Variants in BNC2 observed in about 807,000 individuals in gnomAD.
BNC2 encodes zinc finger protein basonuclin-2.
Under a neutral mutation model 76.3 loss-of-function variants are expected in BNC2, and 20 were observed. The ratio of observed to expected loss-of-function variants is 0.26; its 90% confidence interval spans 0.18 to 0.38. The LOEUF (loss-of-function observed/expected upper bound fraction) is 0.38. Among genes scored for constraint, BNC2 ranks in the 10% least tolerant of loss-of-function variants. The probability of loss-of-function intolerance (pLI) is 1.00; values close to 1 mark genes in which losing one functional copy is unlikely to be tolerated. For missense variants in BNC2, 1,382 were observed against 1,399.8 expected, an observed-to-expected ratio of 0.99 and a Z score of 0.20; for synonymous variants, 582 against 514.8, an observed-to-expected ratio of 1.13 and a Z score of -1.77.
At chr9:16,781,246 G>GATCTGGATTCAAGACCTCATGTT (rs58363689) in intron 1 of BNC2, among the ~76,000 whole-genome samples, 139,289 of 151,900 alleles carry the variant, frequency 0.92, 63,869 homozygotes, top group East Asian at 0.99. Context: ...AAGGTCTGAA[G>GATCTGGATTCAAGACCTCATGTT]ATCAGGGCTG....
At chr9:16,490,347 T>A (rs74382314) in intron 5 of BNC2, among the ~76,000 whole-genome samples, 1 of 152,064 alleles carries the variant, frequency 6.6e-6, no homozygotes, top group Non-Finnish European at 1.5e-5. Context: ...TTATTCACCA[T>A]CAAGAGAAGA....
At chr9:16,570,350 C>T (rs1459873010) in intron 4 of BNC2, among the ~76,000 whole-genome samples, 1 of 152,140 alleles carries the variant, frequency 6.6e-6, no homozygotes, top group African/African-American at 2.4e-5. Flanking sequence ...TTTCCTCCTT[C>T]CCCCAGTAAT....
At chr9:16,442,635 G>C (rs537267946) in intron 5 of BNC2, among the ~76,000 whole-genome samples, 1 of 152,330 alleles carries the variant, frequency 6.6e-6, no homozygotes, top group African/African-American at 2.4e-5. Context: ...TAATCAGACT[G>C]TCGAGGGACC....
chr9:16,685,752 T>A, intron 3 of BNC2: 1 of 467,056 alleles, frequency 2.1e-6, no homozygotes, highest in South Asian at 1.7e-5. Flanking sequence ...CATCATGGCT[T>A]GACATGTATG....
chr9:16,504,103 A>G (rs2131822359), intron 5 of BNC2, among the ~76,000 whole-genome samples: 1 of 152,260 alleles, frequency 6.6e-6, no homozygotes, highest in East Asian at 1.9e-4. Flanking sequence ...ACTAGATGTC[A>G]TCTTAGCAAC....
intron 3 of BNC2, chr9:16,626,333 T>G (rs1036702460): frequency 1.1e-4 from 17 of 152,164 alleles, no homozygotes; most frequent in African/African-American, 3.9e-4. Context: ...ATGCGAGTTT[T>G]TCATTAAAAA....
intron 5 of BNC2, among the ~76,000 whole-genome samples, chr9:16,490,060 A>G (rs1029964131): frequency 6.6e-6 from 1 of 152,234 alleles, no homozygotes; most frequent in African/African-American, 2.4e-5. Flanking sequence ...TGTCTAATTT[A>G]ATACAATTCA....
intron 4 of BNC2, among the ~76,000 whole-genome samples, chr9:16,575,808 A>T (rs1819467984): frequency 6.6e-6 from 1 of 152,220 alleles, no homozygotes; most frequent in South Asian, 2.1e-4. Flanking sequence ...ACCAGAATCC[A>T]GCTGCCTCAC....
chr9:16,548,821 C>T (rs1818568879), intron 5 of BNC2, among the ~76,000 whole-genome samples: 2 of 152,168 alleles, frequency 1.3e-5, no homozygotes, highest in African/African-American at 4.8e-5. Flanking sequence ...AGCTAACTTT[C>T]TGTACTTTCT....
At chr9:16,539,716 A>G (rs1208749230) in intron 5 of BNC2, among the ~76,000 whole-genome samples, 3 of 124,592 alleles carry the variant, frequency 2.4e-5, no homozygotes, top group African/African-American at 1.1e-4. Flanking sequence ...GGAAGGAAGG[A>G]AGGGGAAGGA....
At chr9:16,844,039 A>G (rs1039868320) in intron 1 of BNC2, among the ~76,000 whole-genome samples, 9 of 152,142 alleles carry the variant, frequency 5.9e-5, no homozygotes, top group African/African-American at 1.9e-4. Context: ...GCACGAGGAT[A>G]GCTCAAGGCT....
chr9:16,859,412 A>C (rs771981031), intron 1 of BNC2, among the ~76,000 whole-genome samples: 7 of 152,210 alleles, frequency 4.6e-5, no homozygotes, highest in Non-Finnish European at 1.0e-4. Context: ...ACAACAGCAT[A>C]ATTCACAAGA....
At chr9:16,519,914 C>T (rs1463418015) in intron 5 of BNC2, among the ~76,000 whole-genome samples, 6 of 152,152 alleles carry the variant, frequency 3.9e-5, no homozygotes. Context: ...TGACCATACC[C>T]ACGAGACAGT....
intron 3 of BNC2, among the ~76,000 whole-genome samples, chr9:16,725,159 G>A (rs1431010898): frequency 6.6e-6 from 1 of 151,342 alleles, no homozygotes; most frequent in Non-Finnish European, 1.5e-5. Flanking sequence ...AGTAATACTC[G>A]TTTAAATGGC....
chr9:16,597,935 T>C (rs1365158734), intron 3 of BNC2, among the ~76,000 whole-genome samples: 1 of 152,180 alleles, frequency 6.6e-6, no homozygotes, highest in East Asian at 1.9e-4. Context: ...CTGTAATTTC[T>C]CATTAAATAA....
At chr9:16,522,866 C>G (rs1817661561) in intron 5 of BNC2, among the ~76,000 whole-genome samples, 1 of 152,142 alleles carries the variant, frequency 6.6e-6, no homozygotes. Context: ...AACCACCACT[C>G]TGTTTTAACC....
intron 1 of BNC2, among the ~76,000 whole-genome samples, chr9:16,823,102 G>T (rs571851778): frequency 6.6e-6 from 1 of 152,202 alleles, no homozygotes; most frequent in East Asian, 1.9e-4. Flanking sequence ...CTAGGAAATT[G>T]AGCTAAGTTT....
intron 3 of BNC2, among the ~76,000 whole-genome samples, chr9:16,647,995 G>C (rs1821683748): frequency 6.6e-6 from 1 of 151,982 alleles, no homozygotes; most frequent in Middle Eastern, 3.2e-3. Flanking sequence ...AATACTAAAA[G>C]GCAATCACTG....
At chr9:16,707,140 T>C (rs969670614) in intron 3 of BNC2, among the ~76,000 whole-genome samples, 41 of 151,890 alleles carry the variant, frequency 2.7e-4, no homozygotes, top group African/African-American at 9.9e-4. Flanking sequence ...AGGCGGAGCT[T>C]GCAGTGAGCT....
Sources: gnomAD v4.1 joint callset for allele counts (sites outside exome capture counted in the v4.1 genomes callset) on GRCh38, gnomAD v4.1.1 for gene constraint, MANE v1.5 for transcripts, NCBI Gene and HGNC (gene_info 2026-07-23, HGNC 2026-07-21) for gene names.